PTPRD: variants seen among roughly 807,000 people sequenced by gnomAD.
PTPRD encodes receptor-type tyrosine-protein phosphatase delta.
PTPRD carries 34 observed loss-of-function variants against 214.5 expected under a neutral mutation model. The ratio of observed to expected loss-of-function variants is 0.16; its 90% CI spans 0.12 to 0.21. PTPRD has a LOEUF of 0.21. Ranked by LOEUF, PTPRD falls within the 10% of genes least tolerant of loss-of-function variation. PTPRD has a pLI of 1.00. For synonymous variants in PTPRD, 1,128 were observed against 845.7 expected (o/e 1.33, Z -5.79); for missense variants, 2,545 against 2,398.7 (o/e 1.06, Z -1.27).
intron 7 of PTPRD, among the ~76,000 whole-genome samples, chr9:9,607,447 TC>T (rs2094236520): frequency 6.6e-6 from 1 of 152,198 alleles, no homozygotes; most frequent in Admixed American, 6.5e-5. Flanking sequence ...ATACCTGTGT[TC>T]TACAAATAAG....
chr9:9,512,263 A>C (rs2096727101), intron 8 of PTPRD, among the ~76,000 whole-genome samples: 1 of 151,912 alleles, frequency 6.6e-6, no homozygotes, highest in Admixed American at 6.6e-5. Context: ...TTCTTCTGAC[A>C]GAATAAATGC....
intron 10 of PTPRD, among the ~76,000 whole-genome samples, chr9:9,110,939 G>C (rs888174807): frequency 1.3e-5 from 2 of 152,054 alleles, no homozygotes; most frequent in Non-Finnish European, 2.9e-5. Context: ...AGACTGTATG[G>C]CCCACAATAT....
intron 14 of PTPRD, among the ~76,000 whole-genome samples, chr9:8,593,974 T>C (rs979885644): frequency 6.6e-6 from 1 of 152,222 alleles, no homozygotes; most frequent in Non-Finnish European, 1.5e-5. Context: ...ATCTCATATA[T>C]TCACATATAG....
At chr9:9,327,888 A>G (rs2040633614) in intron 9 of PTPRD, among the ~76,000 whole-genome samples, 1 of 146,196 alleles carries the variant, frequency 6.8e-6, no homozygotes, top group South Asian at 2.2e-4. Context: ...ACTAACACTA[A>G]CGATAGTTGA....
chr9:8,485,642 T>A, intron 28 of PTPRD, 120 bp downstream of exon 28: 4 of 918,104 alleles, frequency 4.4e-6, no homozygotes, highest in Non-Finnish European at 6.4e-6. Flanking sequence ...ACTTTACCTT[T>A]TTGTTTTTGC....
intron 2 of PTPRD, among the ~76,000 whole-genome samples, chr9:10,573,037 G>A (rs2067987643): frequency 6.6e-6 from 1 of 152,064 alleles, no homozygotes; most frequent in Admixed American, 6.5e-5. Context: ...TTGTTGAGTT[G>A]TCAACTGAAA....
rs143292925 is a variant in PTPRD at position 8,957,802 on chromosome 9, C to A, written c.-104+60895G>T. Among the ~76,000 whole-genome samples the A allele has an allele frequency of 3.5e-4, 53 of 151,626 alleles. No individual in the cohort carries two copies. In the East Asian group the frequency reaches 8.6e-3, roughly 25 times the overall value. On this transcript the variant is annotated intron_variant, in intron 11 of 45. Coordinates refer to ENST00000381196, the MANE Select transcript of PTPRD (RefSeq NM_002839.4). ...TCTTAGTGGCCTAATGCTGAGTATGCAAGTGCTGGGAAGTGCTGTCTGAAT... is the reference window on the plus strand; with the variant it reads ...TCTTAGTGGCCTAATGCTGAGTATGAAAGTGCTGGGAAGTGCTGTCTGAAT...
At chr9:9,570,052 C>G (rs1267419095) in intron 8 of PTPRD, among the ~76,000 whole-genome samples, 1 of 151,518 alleles carries the variant, frequency 6.6e-6, no homozygotes, top group African/African-American at 2.4e-5. Context: ...AATAACCCCA[C>G]AGAACTGCAC....
Position 8,433,852 on chromosome 9 carries a change from A to G in PTPRD, c.4086+2740T>C, listed in dbSNP as rs182769686. On this transcript the variant is annotated intron_variant, in intron 35 of 45. Transcript: ENST00000381196. ...TAGCTTAAGTTTATAGTGTTTATAA[A>G]GTCTACAGTAGTATACAGTAACGTC... 8.3e-4 allele frequency among the ~76,000 whole-genome samples: 127 copies of G among 152,344 alleles called. 1 individual carries two copies. Among genetic ancestry groups the G allele is most frequent in the Admixed American group, 8.2e-3 (126 of 15,300 alleles).
intron 12 of PTPRD, chr9:8,713,761 A>G: frequency 6.5e-7 from 1 of 1,530,082 alleles, no homozygotes; most frequent in Non-Finnish European, 8.9e-7. Context: ...CTGCAAGATC[A>G]AGTTCCCGCT....
chr9:9,324,955 TC>T (rs1969081117), intron 9 of PTPRD, among the ~76,000 whole-genome samples: 2 of 152,230 alleles, frequency 1.3e-5, no homozygotes, highest in Admixed American at 1.3e-4. Flanking sequence ...GGGAATCCTT[TC>T]CCCATTTCTT....
At chr9:10,059,865 A>G (rs954863321) in intron 3 of PTPRD, among the ~76,000 whole-genome samples, 1 of 152,014 alleles carries the variant, frequency 6.6e-6, no homozygotes. Flanking sequence ...CAAAATAAAT[A>G]TGCTTCATTA....
chr9:10,376,449 G>C (rs1225936511), intron 2 of PTPRD, among the ~76,000 whole-genome samples: 5 of 151,464 alleles, frequency 3.3e-5, no homozygotes, highest in African/African-American at 1.2e-4. Flanking sequence ...TTGCCTTCTA[G>C]AGGGGCCTCA....
rs1412030831 is a variant in PTPRD at position 10,574,422 on chromosome 9, G to A, written c.-600+37976C>T. Among the ~76,000 whole-genome samples, 7 of 152,148 alleles carry A rather than the reference G, an allele frequency of 4.6e-5. No individual in the cohort carries two copies. The East Asian group carries it at 1.2e-3, about 25-fold the overall frequency. Reference sequence around the variant, plus strand: ...TATTGAAATAATTACTGTACTCTGAGGTAGTCGGTACAGGTATAATTCCAA... The same window carrying A: ...TATTGAAATAATTACTGTACTCTGAAGTAGTCGGTACAGGTATAATTCCAA... On this transcript the variant is annotated intron_variant, in intron 2 of 45. Transcript: ENST00000381196.
chr9:9,820,463 G>C (rs1336034902), intron 5 of PTPRD, among the ~76,000 whole-genome samples: 1 of 152,008 alleles, frequency 6.6e-6, no homozygotes, highest in Non-Finnish European at 1.5e-5. Flanking sequence ...TAGTACATTT[G>C]TTATGCAGAA....
At chr9:10,511,660 C>T (rs974231613) in intron 2 of PTPRD, among the ~76,000 whole-genome samples, 1 of 150,514 alleles carries the variant, frequency 6.6e-6, no homozygotes, top group Admixed American at 6.6e-5. Flanking sequence ...ATGATCCACC[C>T]GCCTAGGCCT....
Position 9,374,018 on chromosome 9 carries a change from T to C in PTPRD, c.-203+23431A>G, listed in dbSNP as rs181778546. Among the ~76,000 whole-genome samples the C allele has an allele frequency of 2.2e-3, 341 of 152,194 alleles. 5 individuals carry two copies. Among genetic ancestry groups the C allele is most frequent in the African/African-American group, 7.5e-3 (313 of 41,540 alleles). ...TACAGGCATTTTAATGAGCTTATCA[T>C]TTATTACAATTAACACATCTACTAG... On this transcript the variant is annotated intron_variant, in intron 9 of 45. Transcript: ENST00000381196.
chr9:9,919,351 C>T (rs2153860799), intron 5 of PTPRD, among the ~76,000 whole-genome samples: 1 of 152,232 alleles, frequency 6.6e-6, no homozygotes, highest in Admixed American at 6.5e-5. Flanking sequence ...AACCCAGTCT[C>T]TCTTTGGGCA....
At position 9,023,968 on chromosome 9, in the gene PTPRD, T is replaced by G. The variant is rs185455785; in HGVS notation, c.-142-5233A>C. ...AAGTCATTAATCATCATTTTATACC[T>G]TTTTCTAAAAATAATACAAATTTTT... On this transcript the variant is annotated intron_variant, in intron 10 of 45. Coordinates refer to ENST00000381196, the MANE Select transcript of PTPRD (RefSeq NM_002839.4). 1.3e-3 allele frequency among the ~76,000 whole-genome samples: 204 copies of G among 152,134 alleles called. 2 individuals are homozygous for G. The highest frequency in any genetic ancestry group is 4.6e-3 in the African/African-American group (192 of 41,536).
Sources: allele counts gnomAD v4.1 joint callset (sites outside exome capture counted in the v4.1 genomes callset), GRCh38; gene constraint gnomAD v4.1.1; transcripts MANE v1.5; gene names NCBI Gene and HGNC (gene_info 2026-07-23, HGNC 2026-07-21).